DPY19L1: variants seen among roughly 807,000 people sequenced by gnomAD.
DPY19L1 encodes the protein protein C-mannosyl-transferase DPY19L1.
In DPY19L1, 35 loss-of-function variants were observed where a neutral mutation model predicts 96.9. The ratio of observed to expected loss-of-function variants is 0.36; its 90% CI spans 0.28 to 0.48. The LOEUF (loss-of-function observed/expected upper bound fraction) is 0.48, where lower values mean the gene tolerates loss of function less well. Among genes scored for constraint, DPY19L1 ranks in the 20% least tolerant of loss-of-function variants. The probability of loss-of-function intolerance (pLI) is 0.99; values close to 1 mark genes in which losing one functional copy is unlikely to be tolerated. For synonymous variants in DPY19L1, 205 were observed against 252.6 expected, an observed-to-expected ratio of 0.81 and a Z score of 1.79; for missense variants, 521 against 777.9, an observed-to-expected ratio of 0.67 and a Z score of 3.93.
intron 6 of DPY19L1, among the ~76,000 whole-genome samples, chr7:35,006,220 A>G (rs747962865): frequency 5.3e-5 from 8 of 152,356 alleles, no homozygotes; most frequent in Non-Finnish European, 1.2e-4. Context: ...AAACATATAC[A>G]TTATTTAACA....
rs148332002 is a variant in DPY19L1 at position 35,013,478 on chromosome 7, T to C, written c.549+90A>G. The C allele has an allele frequency of 2.5e-3, 2,425 of 959,248 alleles. 34 individuals are homozygous for C. The highest frequency in any genetic ancestry group is 0.02 in the African/African-American group (1,178 of 59,636). 59.4% of individuals were successfully genotyped at this position (959,248 alleles called of 1,614,324 possible). ...TTAAAAAATTAAATACAATTTAATA[T>C]ATTGAATTATATCTTAGATTTAGAA... On this transcript the variant is annotated intron_variant, in intron 4 of 21. Transcript: ENST00000638088.
intron 7 of DPY19L1, among the ~76,000 whole-genome samples, chr7:34,987,812 T>G (rs1175324052): frequency 6.6e-6 from 1 of 152,048 alleles, no homozygotes; most frequent in African/African-American, 2.4e-5. Context: ...CGAAAATATG[T>G]TGAGTTCTCA....
At chr7:35,017,030 G>C (rs1336844199) in intron 3 of DPY19L1, among the ~76,000 whole-genome samples, 2 of 150,794 alleles carry the variant, frequency 1.3e-5, no homozygotes, top group Non-Finnish European at 3.0e-5. Context: ...GTGCCAAACA[G>C]GGCATTTAAA....
chr7:34,993,082 T>C (rs1318123384), intron 6 of DPY19L1, among the ~76,000 whole-genome samples: 1 of 152,352 alleles, frequency 6.6e-6, no homozygotes, highest in East Asian at 1.9e-4. Context: ...AGTTAACACA[T>C]ATGTGTGACA....
In DPY19L1 at chr7:34,929,940, C is replaced by T. The variant is rs1783716989; in HGVS notation, c.*1633G>A. ...TCCCTGGGAGCTGCGGCTCTAGGCG[C>T]TGGCACAAGACTGGGGGGCGGTGCT... On this transcript the variant is annotated 3_prime_UTR_variant, in exon 22 of 22. Coordinates refer to ENST00000638088, the MANE Select transcript of DPY19L1 (RefSeq NM_001366673.1). The T allele has an allele frequency of 6.6e-6, 1 of 152,252 alleles. No individual in the cohort carries two copies. The allele number at this position is 152,252 out of a possible 1,614,324, so 9.4% of individuals were successfully genotyped here.
intron 6 of DPY19L1, among the ~76,000 whole-genome samples, chr7:35,007,733 C>A (rs1288770194): frequency 2.6e-5 from 4 of 151,946 alleles, no homozygotes; most frequent in Non-Finnish European, 5.9e-5. Context: ...TGGGCTCAAC[C>A]CACTGAATCA....
intron 1 of DPY19L1, among the ~76,000 whole-genome samples, chr7:35,033,540 T>C (rs1354439276): frequency 6.6e-6 from 1 of 152,146 alleles, no homozygotes; most frequent in African/African-American, 2.4e-5. Context: ...TTTACCATAA[T>C]CAGACAAAGC....
intron 13 of DPY19L1, among the ~76,000 whole-genome samples, chr7:34,952,125 A>ACCC (rs538026987): frequency 2.5e-5 from 2 of 80,672 alleles, no homozygotes. Context: ...AAAAAAAAAG[A>ACCC]CCACAAAAAA....
intron 1 of DPY19L1, among the ~76,000 whole-genome samples, chr7:35,019,390 T>TA (rs1785936508): frequency 6.6e-6 from 1 of 152,144 alleles, no homozygotes; most frequent in Non-Finnish European, 1.5e-5. Context: ...AGCAGTGTGC[T>TA]ATGACTATGA....
chr7:34,967,766 CAT>C (rs1359001379), intron 9 of DPY19L1, among the ~76,000 whole-genome samples: 3 of 152,268 alleles, frequency 2.0e-5, no homozygotes, highest in African/African-American at 7.2e-5. Context: ...AATACTTAAA[CAT>C]ATAACTTAAG....
chr7:35,005,755 G>A (rs1156400043), intron 6 of DPY19L1, among the ~76,000 whole-genome samples: 1 of 151,582 alleles, frequency 6.6e-6, no homozygotes, highest in Non-Finnish European at 1.5e-5. Context: ...AAAATGCAGT[G>A]AGCTGAGATC....
chr7:34,976,213 G>C lies in DPY19L1; in HGVS notation c.823-2608C>G, dbSNP rs1009725837. Among the ~76,000 whole-genome samples, 14 of 152,152 alleles carry C rather than the reference G, an allele frequency of 9.2e-5. 1 individual carries two copies. Among genetic ancestry groups the C allele is most frequent in the Non-Finnish European group, 2.9e-5 (2 of 68,032 alleles). On this transcript the variant is annotated intron_variant, in intron 7 of 21. Transcript: ENST00000638088. Reference sequence around the variant, plus strand: ...AAATCATTCTGATTCATGGAAGGAGGCCAAAATATCATCATTAATAGGACT... The same window carrying C: ...AAATCATTCTGATTCATGGAAGGAGCCCAAAATATCATCATTAATAGGACT...
chr7:34,963,697 C>T (rs1637680), intron 10 of DPY19L1, among the ~76,000 whole-genome samples: 38,421 of 150,356 alleles, frequency 0.26, 5,145 homozygotes, highest in Non-Finnish European at 0.31. Flanking sequence ...TAAGCAGAAT[C>T]GTGTGTGTGT....
chr7:34,950,082 T>C (rs1784239463), intron 13 of DPY19L1, among the ~76,000 whole-genome samples, 184 bp from the exon 14 acceptor site: 1 of 152,120 alleles, frequency 6.6e-6, no homozygotes, highest in Non-Finnish European at 1.5e-5. Flanking sequence ...TTTTGCTGAA[T>C]AGTGATAGCT....
rs1419449008 is a variant in DPY19L1 at position 34,929,695 on chromosome 7, T to A, written c.*1878A>T. The A allele has an allele frequency of 6.6e-6, 1 of 152,360 alleles. No individual in the cohort carries two copies. 9.4% of individuals were successfully genotyped at this position (152,360 alleles called of 1,614,324 possible). On this transcript the variant is annotated 3_prime_UTR_variant, in exon 22 of 22. Coordinates refer to ENST00000638088, the MANE Select transcript of DPY19L1 (RefSeq NM_001366673.1). Reference sequence around the variant, plus strand: ...CTCTCCCTGCTCATGTCAACTCCCATCCTCAGCCTCAAGTGTCCACCGCCC... The same window carrying A: ...CTCTCCCTGCTCATGTCAACTCCCAACCTCAGCCTCAAGTGTCCACCGCCC...
At chr7:35,027,977 T>C (rs1786167585) in intron 1 of DPY19L1, among the ~76,000 whole-genome samples, 1 of 152,234 alleles carries the variant, frequency 6.6e-6, no homozygotes, top group African/African-American at 2.4e-5. Context: ...CCATATATTT[T>C]GCATTAAGCA....
rs1783720890 is a variant in DPY19L1 at position 34,930,083 on chromosome 7, C to T, written c.*1490G>A. ...GAAGGTAGAAAGGGAACAGCGGCTTCCAGGAGTGGGCACCAGAAACCATGC... is the reference window on the plus strand; with the variant it reads ...GAAGGTAGAAAGGGAACAGCGGCTTTCAGGAGTGGGCACCAGAAACCATGC... On this transcript the variant is annotated 3_prime_UTR_variant, in exon 22 of 22. Transcript: ENST00000638088. The T allele has an allele frequency of 6.6e-6, 1 of 152,188 alleles. No homozygotes were observed. Among genetic ancestry groups the T allele is most frequent in the Admixed American group, 6.5e-5 (1 of 15,280 alleles). 9.4% of individuals were successfully genotyped at this position (152,188 alleles called of 1,614,324 possible).
chr7:34,947,517 G>C (rs1584208081), intron 15 of DPY19L1, 113 bp downstream of exon 15: 8 of 767,144 alleles, frequency 1.0e-5, no homozygotes, highest in Middle Eastern at 3.2e-4. Flanking sequence ...ATATGTTACA[G>C]TAAGCCCATA....
chr7:34,960,032 T>C (rs1468066055), intron 10 of DPY19L1, among the ~76,000 whole-genome samples: 3 of 149,874 alleles, frequency 2.0e-5, no homozygotes, highest in South Asian at 2.1e-4. Context: ...TTTTGTATTA[T>C]GGTTATTTTC....
Sources: allele counts gnomAD v4.1 joint callset (sites outside exome capture counted in the v4.1 genomes callset), GRCh38; gene constraint gnomAD v4.1.1; transcripts MANE v1.5; gene names NCBI Gene and HGNC (gene_info 2026-07-23, HGNC 2026-07-21).